The following FREM2 variants were observed in gnomAD, a reference collection of about 807,000 sequenced individuals.
The protein encoded by FREM2 is FRAS1-related extracellular matrix protein 2.
A neutral mutation model predicts 219.9 loss-of-function variants in FREM2; 119 were observed. The ratio of observed to expected loss-of-function variants is 0.54; its 90% confidence interval spans 0.47 to 0.63. The LOEUF (loss-of-function observed/expected upper bound fraction) is 0.63. Among genes scored for constraint, FREM2 ranks in the 30% least tolerant of loss-of-function variants. The pLI is 0.00. For synonymous variants in FREM2, 1,562 were observed against 1,522.8 expected, an observed-to-expected ratio of 1.03 and a Z score of -0.60; for missense variants, 4,030 against 3,993.6, an observed-to-expected ratio of 1.01 and a Z score of -0.25.
intron 6 of FREM2, among the ~76,000 whole-genome samples, chr13:38,800,912 G>A (rs371802820): frequency 1.4e-4 from 21 of 152,188 alleles, no homozygotes; most frequent in African/African-American, 4.3e-4. Context: ...TTATAGGCAT[G>A]AGCCACCACA....
chr13:38,811,367 T>G (rs981712337), intron 6 of FREM2, among the ~76,000 whole-genome samples: 2 of 152,132 alleles, frequency 1.3e-5, no homozygotes, highest in African/African-American at 4.8e-5. Context: ...CTCTTGCTTT[T>G]CTAGTTATTG....
At chr13:38,734,513 CTCTT>C (rs1299183914) in intron 2 of FREM2, among the ~76,000 whole-genome samples, 2 of 152,050 alleles carry the variant, frequency 1.3e-5, no homozygotes, top group African/African-American at 2.4e-5. Flanking sequence ...GACCTAGAAC[CTCTT>C]TCTATTTTTA....
At chr13:38,750,366 G>A (rs1310493189) in intron 2 of FREM2, among the ~76,000 whole-genome samples, 1 of 152,158 alleles carries the variant, frequency 6.6e-6, no homozygotes, top group East Asian at 1.9e-4. Context: ...CTATGAGTGA[G>A]ATCCATGTGT....
At chr13:38,848,725 G>C (rs1205727656) in intron 8 of FREM2, 55 bp downstream of exon 8, 3 of 1,409,826 alleles carry the variant, frequency 2.1e-6, no homozygotes, top group Non-Finnish European at 3.0e-6. Flanking sequence ...ATAAGCTAAG[G>C]TTTATGTATA....
chr13:38,779,898 G>A (rs893465803), intron 4 of FREM2, among the ~76,000 whole-genome samples: 12 of 152,140 alleles, frequency 7.9e-5, no homozygotes, highest in Non-Finnish European at 1.8e-4. Context: ...GGCCTCCGGG[G>A]CCCACACTCC....
intron 2 of FREM2, among the ~76,000 whole-genome samples, chr13:38,749,262 A>G (rs1278666135): frequency 6.6e-6 from 1 of 152,188 alleles, no homozygotes; most frequent in East Asian, 1.9e-4. Flanking sequence ...TTAGCCATAA[A>G]TGTTGACAGT....
Position 38,876,238 on chromosome 13 carries a change from C to A in FREM2, c.8410-10C>A, listed in dbSNP as rs754337196. ...TTTAAATGTAATATATCAATATCTT[C>A]TCCTCAAAGGTACGTGACTACTCAG... On this transcript the variant is annotated splice_polypyrimidine_tract_variant and intron_variant, in intron 19 of 23. Coordinates refer to ENST00000280481, the MANE Select transcript of FREM2 (RefSeq NM_207361.6). 2 of 1,614,052 alleles carry A rather than the reference C, an allele frequency of 1.2e-6. No homozygotes were observed. The highest frequency in any genetic ancestry group is 3.3e-5 in the Admixed American group (2 of 60,014).
chr13:38,782,719 C>T (rs1426979791), intron 4 of FREM2, among the ~76,000 whole-genome samples: 1 of 152,190 alleles, frequency 6.6e-6, no homozygotes, highest in African/African-American at 2.4e-5. Context: ...GAGGTCATTT[C>T]CACCTCTCAA....
Position 38,687,575 on chromosome 13 carries a change from C to T in FREM2, c.231C>T (p.Arg77=), listed in dbSNP as rs767329186. 1.9e-6 allele frequency: 3 copies of T among 1,604,040 alleles called. No individual in the cohort carries two copies. The highest frequency in any genetic ancestry group is 1.7e-6 in the Non-Finnish European group (2 of 1,174,770). The change falls in exon 1 of 24, where the codon CGC becomes CGT. Residue 77 remains arginine, a synonymous_variant. Coordinates refer to ENST00000280481, the MANE Select transcript of FREM2 (RefSeq NM_207361.6). ...AGGAGGCCATAGTGCTGGCGAACCG[C>T]GGACTCCGGGTGCCTTTCGGCCGTG... ...PAEEAIVLAN[R]GLRVPFGREV...
chr13:38,850,029 T>C lies in FREM2; in HGVS notation c.6380-9T>C, dbSNP rs1002078315. The C allele has an allele frequency of 6.2e-7, 1 of 1,611,628 alleles. No individual in the cohort carries two copies. Among genetic ancestry groups the C allele is most frequent in the Admixed American group, 1.7e-5 (1 of 60,024 alleles). ...AATTTCTGTTCACTTTAATCCTTTG[T>C]TTTTGCAGTGCCTAAGATGCAATTC... On this transcript the variant is annotated splice_polypyrimidine_tract_variant and intron_variant, in intron 8 of 23. Transcript: ENST00000280481.
rs201173265 is a variant in FREM2, at chr13:38,689,551, G to A, written c.2207G>A (p.Arg736Gln). 59 of 1,613,656 alleles carry A rather than the reference G, an allele frequency of 3.7e-5. No individual in the cohort carries two copies. The highest frequency in any genetic ancestry group is 3.3e-4 in the Middle Eastern group (2 of 6,058). Reference sequence around the variant, plus strand: ...TACACTGACCTGGACACAGATGACCGAGAACTACGTTACACAGTGACTCAG... The same window carrying A: ...TACACTGACCTGGACACAGATGACCAAGAACTACGTTACACAGTGACTCAG... ...LRYTDLDTDD[R>Q]ELRYTVTQPP... is the part of the protein sequence containing the mutation. The change falls in exon 1 of 24, where the codon CGA becomes CAA. Residue 736 changes from arginine to glutamine, a missense_variant. Coordinates refer to ENST00000280481, the MANE Select transcript of FREM2 (RefSeq NM_207361.6).
At chr13:38,747,840 T>C (rs1872551345) in intron 2 of FREM2, among the ~76,000 whole-genome samples, 1 of 152,214 alleles carries the variant, frequency 6.6e-6, no homozygotes, top group African/African-American at 2.4e-5. Flanking sequence ...CCTTAAAGTT[T>C]ATGTTGCAGC....
At chr13:38,722,800 T>C (rs1464908844) in intron 2 of FREM2, among the ~76,000 whole-genome samples, 2 of 151,352 alleles carry the variant, frequency 1.3e-5, no homozygotes, top group Non-Finnish European at 2.9e-5. Flanking sequence ...AGATTCAATC[T>C]ATGGCCCAGA....
chr13:38,842,482 C>T lies in FREM2; in HGVS notation c.6020-4091C>T, dbSNP rs185648247. 7.6e-4 allele frequency among the ~76,000 whole-genome samples: 116 copies of T among 152,076 alleles called. 2 individuals carry two copies. Among genetic ancestry groups the T allele is most frequent in the Non-Finnish European group, 5.1e-4 (35 of 68,010 alleles). ...AGTTCACCTTGAGGTGCCCATGGGA[C>T]GTGGATTGATTAGGCAATACAGCTC... On this transcript the variant is annotated intron_variant, in intron 6 of 23. Transcript: ENST00000280481.
Position 38,747,432 on chromosome 13 carries a change from C to T in FREM2, c.5264-16872C>T, listed in dbSNP as rs1400742937. ...GTGTGTGTGTGTGTGTGTGTGTATT[C>T]ATCTGTTGCCCTAAATCTCCAGAGT... On this transcript the variant is annotated intron_variant, in intron 2 of 23. Coordinates refer to ENST00000280481, the MANE Select transcript of FREM2 (RefSeq NM_207361.6). Among the ~76,000 whole-genome samples the T allele has an allele frequency of 1.5e-3, 110 of 73,278 alleles. 1 individual carries two copies. The South Asian group carries it at 0.037, about 25-fold the overall frequency. 48.1% of individuals were successfully genotyped at this position (73,278 alleles called of 152,430 possible).
At chr13:38,844,486 T>C (rs1346741682) in intron 6 of FREM2, among the ~76,000 whole-genome samples, 1 of 152,208 alleles carries the variant, frequency 6.6e-6, no homozygotes, top group African/African-American at 2.4e-5. Flanking sequence ...TAAAACTACG[T>C]GTTTTGGAGT....
intron 6 of FREM2, among the ~76,000 whole-genome samples, chr13:38,833,820 T>C (rs1014176952): frequency 1.3e-5 from 2 of 152,046 alleles, no homozygotes; most frequent in African/African-American, 4.8e-5. Context: ...CCCTCAAGAG[T>C]TGATTCATTG....
chr13:38,787,351 A>G (rs1874371169), intron 6 of FREM2, among the ~76,000 whole-genome samples: 1 of 152,138 alleles, frequency 6.6e-6, no homozygotes, highest in African/African-American at 2.4e-5. Flanking sequence ...TTCTAACATC[A>G]CTACTATAGT....
At chr13:38,808,633 A>C (rs992537387) in intron 6 of FREM2, among the ~76,000 whole-genome samples, 7 of 151,960 alleles carry the variant, frequency 4.6e-5, no homozygotes, top group Non-Finnish European at 1.0e-4. Flanking sequence ...TGGAACACTC[A>C]GGACAAATGC....
Sources: gnomAD v4.1 joint callset for allele counts (sites outside exome capture counted in the v4.1 genomes callset) on GRCh38, gnomAD v4.1.1 for gene constraint, MANE v1.5 for transcripts, NCBI Gene and HGNC (gene_info 2026-07-23, HGNC 2026-07-21) for gene names.